The following FRMPD1 variants were observed in gnomAD, a reference collection of about 807,000 sequenced individuals.
FRMPD1 encodes the protein FERM and PDZ domain containing 1, also known as FERM and PDZ domain-containing protein 1.
A neutral mutation model predicts 117.8 loss-of-function variants in FRMPD1; 76 were observed. The observed-to-expected ratio is 0.65, with a 90% CI of 0.54 to 0.78. The LOEUF (loss-of-function observed/expected upper bound fraction) is 0.78, where lower values mean the gene tolerates loss of function less well. Among genes scored for constraint, FRMPD1 ranks in the 30% least tolerant of loss-of-function variants. The probability of loss-of-function intolerance (pLI) is 0.00; values close to 1 mark genes in which losing one functional copy is unlikely to be tolerated. For synonymous variants in FRMPD1, 783 were observed against 770.4 expected, an observed-to-expected ratio of 1.02 and a Z score of -0.27; for missense variants, 1,786 against 1,964.5, an observed-to-expected ratio of 0.91 and a Z score of 1.72.
chr9:37,616,116 C>CT, the FRMPD1 span, among the ~76,000 whole-genome samples: 2 of 129,122 alleles, frequency 1.5e-5, no homozygotes, highest in South Asian at 5.3e-4. Flanking sequence ...TGTGCCCAGC[C>CT]CTTTTTTTTT....
chr9:37,722,048 A>C (rs2118286315), intron 6 of FRMPD1, among the ~76,000 whole-genome samples: 1 of 152,262 alleles, frequency 6.6e-6, no homozygotes, highest in Admixed American at 6.5e-5. Flanking sequence ...CTAAGGAAAA[A>C]ATTTCCCACT....
intron 1 of FRMPD1, among the ~76,000 whole-genome samples, chr9:37,669,308 C>T (rs1428631856): frequency 6.6e-6 from 1 of 152,198 alleles, no homozygotes; most frequent in African/African-American, 2.4e-5. Flanking sequence ...TGATGGTCTG[C>T]ATTGAGGATT....
At chr9:37,693,802 T>C (rs1264069224) in intron 2 of FRMPD1, among the ~76,000 whole-genome samples, 3 of 152,186 alleles carry the variant, frequency 2.0e-5, no homozygotes, top group Non-Finnish European at 4.4e-5. Context: ...CCCTTGGACC[T>C]GGGCTCCTGG....
intron 7 of FRMPD1, among the ~76,000 whole-genome samples, chr9:37,728,897 C>T (rs539613537): frequency 1.9e-4 from 28 of 148,354 alleles, no homozygotes; most frequent in African/African-American, 6.0e-4. Context: ...CAGGTGGCGG[C>T]GGTTGCAGTG....
the FRMPD1 span, chr9:37,636,997 C>T: frequency 1.3e-6 from 2 of 1,572,612 alleles, no homozygotes; most frequent in Non-Finnish European, 1.8e-6. Context: ...GCCACTGCTT[C>T]ACGTTGGCAT....
At chr9:37,642,235 T>C in the FRMPD1 span, among the ~76,000 whole-genome samples, 2 of 152,180 alleles carry the variant, frequency 1.3e-5, no homozygotes, top group African/African-American at 4.8e-5. Flanking sequence ...GTAGAGTCTC[T>C]TTGTCTGCAA....
rs1274113339 is a variant in FRMPD1 at position 37,745,736 on chromosome 9, C to A, written c.3704C>A (p.Thr1235Lys). Residue 1235 changes from threonine to lysine, a missense_variant, in exon 16 of 16, where the codon ACA (threonine) becomes AAA (lysine). Coordinates refer to ENST00000377765, the MANE Select transcript of FRMPD1 (RefSeq NM_014907.3). ...GIKAEAPNHVTGQDIAPRDSP... is the reference protein window; with the variant it reads ...GIKAEAPNHVKGQDIAPRDSP... ...AAGGCAGAGGCACCTAACCATGTGA[C>A]AGGGCAAGATATAGCCCCTAGGGAC... The A allele has an allele frequency of 7.4e-6, 12 of 1,614,044 alleles. No individual in the cohort carries two copies. Among genetic ancestry groups the A allele is most frequent in the South Asian group, 2.2e-5 (2 of 91,088 alleles).
chr9:37,645,470 T>C, the FRMPD1 span, among the ~76,000 whole-genome samples: 3 of 152,016 alleles, frequency 2.0e-5, no homozygotes, highest in Middle Eastern at 0.01. Context: ...AAGGAATAAA[T>C]CCAGATATCA....
chr9:37,718,873 G>T (rs1823265768), intron 5 of FRMPD1, among the ~76,000 whole-genome samples, 196 bp from the exon 6 acceptor site: 1 of 152,146 alleles, frequency 6.6e-6, no homozygotes, highest in African/African-American at 2.4e-5. Flanking sequence ...CTATTCTCAG[G>T]TACACGAGAA....
At position 37,709,808 on chromosome 9, in the gene FRMPD1, A is replaced by T. The variant is rs1008093275; in HGVS notation, c.362+1307A>T. 2.6e-5 allele frequency among the ~76,000 whole-genome samples: 4 copies of T among 152,138 alleles called. No homozygotes were observed. The East Asian group carries it at 7.7e-4, about 29-fold the overall frequency. ...GAGCAGTTCAGTTTGCCTGCAGAAA[A>T]GTTCTAGGAAGTGAAGTCCAGATGA... On this transcript the variant is annotated intron_variant, in intron 4 of 15. Coordinates refer to ENST00000377765, the MANE Select transcript of FRMPD1 (RefSeq NM_014907.3).
At chr9:37,731,145 C>T in intron 9 of FRMPD1, 42 bp downstream of exon 9, 1 of 1,596,550 alleles carries the variant, frequency 6.3e-7, no homozygotes, top group Non-Finnish European at 8.6e-7. Flanking sequence ...TGGTTGTTCT[C>T]AAAGATGGTG....
At chr9:37,603,437 G>C in the FRMPD1 span, among the ~76,000 whole-genome samples, 1 of 152,168 alleles carries the variant, frequency 6.6e-6, no homozygotes, top group Non-Finnish European at 1.5e-5. Flanking sequence ...AACGAGTTAG[G>C]TCAGAGATGT....
At chr9:37,635,867 TG>T in the FRMPD1 span, among the ~76,000 whole-genome samples, 3 of 151,996 alleles carry the variant, frequency 2.0e-5, no homozygotes, top group Non-Finnish European at 2.9e-5. Flanking sequence ...GTGAGCCAGG[TG>T]TGCTGCCTCG....
chr9:37,686,388 A>T (rs1248412367), intron 1 of FRMPD1, among the ~76,000 whole-genome samples: 3 of 152,252 alleles, frequency 2.0e-5, no homozygotes, highest in Non-Finnish European at 4.4e-5. Context: ...GACAGAACAT[A>T]AGAGGCCAGA....
chr9:37,719,177 G>A lies in FRMPD1; in HGVS notation c.516+1G>A. On this transcript the variant is annotated splice_donor_variant, in intron 6 of 15. Coordinates refer to ENST00000377765, the MANE Select transcript of FRMPD1 (RefSeq NM_014907.3). LOFTEE classifies it high-confidence loss of function. ...AGTGCTCATCAGTGGACACAGCCAG[G>A]TGTGTCACTAGTCAAGGGATTGAAA... 1.3e-6 allele frequency: 2 copies of A among 1,561,902 alleles called. No individual in the cohort carries two copies. Among genetic ancestry groups the A allele is most frequent in the Non-Finnish European group, 1.8e-6 (2 of 1,132,250 alleles).
chr9:37,619,644 G>T, the FRMPD1 span, among the ~76,000 whole-genome samples: 2 of 151,936 alleles, frequency 1.3e-5, no homozygotes, highest in African/African-American at 4.8e-5. Context: ...TATAATCCCA[G>T]CTACTTGGGA....
In FRMPD1 at chr9:37,731,392, G is replaced by A. The variant is rs537021429; in HGVS notation, c.858+289G>A. Among the ~76,000 whole-genome samples the A allele has an allele frequency of 2.0e-5, 3 of 152,232 alleles. No homozygotes were observed. In the South Asian group the frequency reaches 6.2e-4, roughly 32 times the overall value. ...AGAATTACAGTTTTTATTGCCAAAAGGGGCCTTAGTGCTTTAAAACCTCGT... is the reference window on the plus strand; with the variant it reads ...AGAATTACAGTTTTTATTGCCAAAAAGGGCCTTAGTGCTTTAAAACCTCGT... On this transcript the variant is annotated intron_variant, in intron 9 of 15. Transcript: ENST00000377765.
At chr9:37,648,413 A>C (rs529015430), upstream of FRMPD1, among the ~76,000 whole-genome samples, 50 of 152,310 alleles carry the variant, frequency 3.3e-4, no homozygotes, top group African/African-American at 1.1e-3. Flanking sequence ...CTAAGGAGTT[A>C]AGACTTTGCT....
At chr9:37,691,175 C>T (rs1197176683) in intron 1 of FRMPD1, among the ~76,000 whole-genome samples, 1 of 152,200 alleles carries the variant, frequency 6.6e-6, no homozygotes. Flanking sequence ...TATTTTAATT[C>T]CTGTACCGTC....
Sources: allele counts gnomAD v4.1 joint callset (sites outside exome capture counted in the v4.1 genomes callset), GRCh38; gene constraint gnomAD v4.1.1; transcripts MANE v1.5; gene names NCBI Gene and HGNC (gene_info 2026-07-23, HGNC 2026-07-21).